The following AWAT1 variants were observed in gnomAD, a reference collection of about 807,000 sequenced individuals.
AWAT1 encodes the protein acyl-CoA wax alcohol acyltransferase 1, also known as diacyl-glycerol acyltransferase 2.
In AWAT1, 26 loss-of-function variants were observed where a neutral mutation model predicts 21.6. The ratio of observed to expected loss-of-function variants is 1.20; its 90% CI spans 0.88 to 1.67. The LOEUF (loss-of-function observed/expected upper bound fraction) is 1.67. Among genes scored for constraint, AWAT1 ranks in the 40% most tolerant of loss-of-function variants. The pLI is 0.00. For missense variants in AWAT1, 264 were observed against 249.4 expected, an observed-to-expected ratio of 1.06 and a Z score of -0.39; for synonymous variants, 102 against 99.3, an observed-to-expected ratio of 1.03 and a Z score of -0.16.
chrX:70,240,047 CGA>C, intron 6 of AWAT1, 87 bp from the exon 7 acceptor site: 1 of 1,143,808 alleles, frequency 8.7e-7, no homozygotes, highest in Non-Finnish European at 1.2e-6. Flanking sequence ...ATCTGGGATG[CGA>C]GAGTCAGGCC....
rs988023072 is a variant in AWAT1 at position 70,235,970 on chromosome X, C to T, written c.185-99C>T. 24 of 931,970 alleles carry T rather than the reference C, an allele frequency of 2.6e-5. No individual in the cohort carries two copies. In the African/African-American group the frequency reaches 3.9e-4, roughly 15 times the overall value. 76.8% of individuals were successfully genotyped at this position (931,970 alleles called of 1,213,427 possible). A position where few individuals can be genotyped will look rare whatever the true frequency, so the allele number is the denominator to read the frequency against. ...GACCATCCTAGGGTCTCCTCCTTTCCCACCTCTCTAGCAGAGCCATGCTAG... is the reference window on the plus strand; with the variant it reads ...GACCATCCTAGGGTCTCCTCCTTTCTCACCTCTCTAGCAGAGCCATGCTAG... On this transcript the variant is annotated intron_variant, in intron 2 of 6. Transcript: ENST00000374521.
rs1487511175 is a variant in AWAT1 at position 70,240,583 on chromosome X, GC to G, written c.*297del. 3.7e-6 allele frequency: 1 copy of G among 269,256 alleles called. No individual in the cohort carries two copies. The highest frequency in any genetic ancestry group is 6.6e-6 in the Non-Finnish European group (1 of 151,938). The allele number at this position is 269,256 out of a possible 1,213,427, so 22.2% of individuals were successfully genotyped here. On this transcript the variant is annotated 3_prime_UTR_variant, in exon 7 of 7. Transcript: ENST00000374521. Reference sequence around the variant, plus strand: ...TTAGCAGTCACTGCATATTCCCCCAGCCCCTGGGCAACTATCTACTTTCTGT... The same window carrying G: ...TTAGCAGTCACTGCATATTCCCCCAGCCCTGGGCAACTATCTACTTTCTGT...
At position 70,236,102 on chromosome X, in the gene AWAT1, G is replaced by A; in HGVS notation, c.218G>A (p.Cys73Tyr). 5 of 1,211,390 alleles carry A rather than the reference G, an allele frequency of 4.1e-6. No individual in the cohort carries two copies. The highest frequency in any genetic ancestry group is 5.6e-6 in the Non-Finnish European group (5 of 895,082). ...GRRSAWVRNW[C>Y]VWTHIRDYFP... is the part of the protein sequence containing the mutation. ...CGTTCGGCCTGGGTAAGGAACTGGT[G>A]TGTCTGGACCCACATCAGGGACTAT... Residue 73 changes from cysteine (C) to tyrosine (Y), a missense_variant, in exon 3 of 7, where the codon TGT becomes TAT. By Grantham distance (194) the Cys-to-Tyr change is radical. Coordinates refer to ENST00000374521, the MANE Select transcript of AWAT1 (RefSeq NM_001013579.3).
At chrX:70,239,419 T>C (rs1002975897) in intron 5 of AWAT1, among the ~76,000 whole-genome samples, 1 of 112,128 alleles carries the variant, frequency 8.9e-6, no homozygotes, top group Non-Finnish European at 1.9e-5. Context: ...TCTAATCCCA[T>C]AACCCAAGGA....
intron 5 of AWAT1, 38 bp downstream of exon 5, chrX:70,238,421 T>A: frequency 8.9e-7 from 1 of 1,123,934 alleles, no homozygotes. Flanking sequence ...CATGGTGTTC[T>A]CTGAGCAGCA....
Position 70,234,759 on chromosome X carries a change from T to C in AWAT1, c.64T>C (p.Tyr22His). The change falls in exon 1 of 7, where the codon TAC becomes CAC. Residue 22 changes from tyrosine (Y) to histidine (H), a missense_variant. Tyr to His is a moderately conservative substitution (Grantham distance 83). Transcript: ENST00000374521. ...SLMLLQWPLS[Y>H]LAIFWILQPL... is the part of the protein sequence containing the mutation. ...GATGCTTCTGCAGTGGCCTTTGAGC[T>C]ACCTTGCCATCTGTGAGTATTGACC... 8.3e-7 allele frequency: 1 copy of C among 1,208,114 alleles called. No homozygotes were observed. The highest frequency in any genetic ancestry group is 1.1e-6 in the Non-Finnish European group (1 of 892,801).
At chrX:70,237,924 A>G (rs2085521886) in intron 4 of AWAT1, among the ~76,000 whole-genome samples, 1 of 109,162 alleles carries the variant, frequency 9.2e-6, no homozygotes, top group Non-Finnish European at 1.9e-5. Flanking sequence ...TTAATGAAAA[A>G]AAAAAAAAAG....
Position 70,239,842 on chromosome X carries a change from T to C in AWAT1, c.740T>C (p.Ile247Thr), listed in dbSNP as rs765702021. The C allele has an allele frequency of 8.3e-7, 1 of 1,209,702 alleles. No individual in the cohort carries two copies. The highest frequency in any genetic ancestry group is 3.0e-5 in the East Asian group (1 of 33,815). Residue 247 changes from isoleucine to threonine, a missense_variant, in exon 6 of 7, where the codon ATC becomes ACC. Coordinates refer to ENST00000374521, the MANE Select transcript of AWAT1 (RefSeq NM_001013579.3). ...MYKFQSCFRRIFGFYCCVFYG... is the reference protein window; with the variant it reads ...MYKFQSCFRRTFGFYCCVFYG... ...AAGTTCCAGAGCTGCTTCCGCCGTA[T>C]CTTTGGTTTCTACTGTTGTGTCTTC...
At position 70,235,843 on chromosome X, in the gene AWAT1, AAAG is replaced by A. The variant is rs752570596; in HGVS notation, c.184+26_184+28del. The A allele has an allele frequency of 4.4e-6, 5 of 1,148,771 alleles. No individual in the cohort carries two copies. The highest frequency in any genetic ancestry group is 2.2e-5 in the Admixed American group (1 of 45,891). 94.7% of individuals were successfully genotyped at this position (1,148,771 alleles called of 1,213,427 possible). On this transcript the variant is annotated intron_variant, in intron 2 of 6. Transcript: ENST00000374521. ...AGCGAGGTAAGACTCACAGACCTAG[AAAG>A]AAGAATGTTCCATCATAACCTGCAG...
chrX:70,234,669 T>A lies in AWAT1; in HGVS notation c.-27T>A. ...TTGGTTGGAACACTGTTCTGAGATCTTTGCCTCCCTCAGGCTCCCGAGAAT... is the reference window on the plus strand; with the variant it reads ...TTGGTTGGAACACTGTTCTGAGATCATTGCCTCCCTCAGGCTCCCGAGAAT... On this transcript the variant is annotated 5_prime_UTR_variant, in exon 1 of 7. Coordinates refer to ENST00000374521, the MANE Select transcript of AWAT1 (RefSeq NM_001013579.3). 8.4e-7 allele frequency: 1 copy of A among 1,191,746 alleles called. No homozygotes were observed.
intron 5 of AWAT1, 99 bp downstream of exon 5, chrX:70,238,482 G>A (rs1249070243): frequency 2.2e-6 from 2 of 905,928 alleles, no homozygotes; most frequent in Admixed American, 3.7e-5. Context: ...TTGCCCTCAA[G>A]GAACATACTA....
intron 4 of AWAT1, 139 bp downstream of exon 4, chrX:70,237,387 T>C: frequency 1.7e-6 from 1 of 573,239 alleles, no homozygotes; most frequent in Non-Finnish European, 2.7e-6. Context: ...GTTCTAGAGC[T>C]AAGCTGCCTG....
intron 4 of AWAT1, 126 bp from the exon 5 acceptor site, chrX:70,238,086 T>G: frequency 3.2e-6 from 2 of 629,915 alleles, no homozygotes; most frequent in Non-Finnish European, 4.8e-6. Flanking sequence ...CCACACTCTT[T>G]AGTCCCATCT....
At chrX:70,238,824 C>A (rs2085526245) in intron 5 of AWAT1, among the ~76,000 whole-genome samples, 1 of 112,419 alleles carries the variant, frequency 8.9e-6, no homozygotes, top group Non-Finnish European at 1.9e-5. Flanking sequence ...TGGCTAAGAA[C>A]TGTACCTACT....
At position 70,237,221 on chromosome X, in the gene AWAT1, T is replaced by C; in HGVS notation, c.433T>C (p.Phe145Leu). The C allele has an allele frequency of 1.7e-6, 2 of 1,208,291 alleles. No homozygotes were observed. The highest frequency in any genetic ancestry group is 2.2e-6 in the Non-Finnish European group (2 of 893,754). ...ATLSWFFKIPFVREYLMAKGV... is the reference protein window; with the variant it reads ...ATLSWFFKIPLVREYLMAKGV... ...GCTGTCCTGGTTCTTCAAGATCCCC[T>C]TTGTTAGGGAGTACCTCATGGCCAA... Residue 145 changes from phenylalanine to leucine, a missense_variant, in exon 4 of 7, where the codon TTT (phenylalanine) becomes CTT (leucine). By Grantham distance (22) the Phe-to-Leu change is conservative (BLOSUM62 0). Transcript: ENST00000374521.
At position 70,238,321 on chromosome X, in the gene AWAT1, C is replaced by A; in HGVS notation, c.570C>A (p.Pro190=). The change falls in exon 5 of 7, where the codon CCC becomes CCA. Residue 190 remains proline (P), a synonymous_variant. Coordinates refer to ENST00000374521, the MANE Select transcript of AWAT1 (RefSeq NM_001013579.3). The stretch of plus-strand genomic sequence containing the variant: ...TGGGTGAGGCCCTGCAAAGTGTGCC[C>A]AACACCACCACCCTCATCCTCCAGA... ...GGVGEALQSV[P]NTTTLILQKR... 1 of 1,209,770 alleles carries A rather than the reference C, an allele frequency of 8.3e-7. No individual in the cohort carries two copies. The highest frequency in any genetic ancestry group is 1.1e-6 in the Non-Finnish European group (1 of 894,027).
intron 1 of AWAT1, among the ~76,000 whole-genome samples, 171 bp downstream of exon 1, chrX:70,234,942 G>C (rs1234939500): frequency 9.2e-6 from 1 of 109,021 alleles, no homozygotes; most frequent in East Asian, 2.9e-4. Flanking sequence ...CCCTGGAGAA[G>C]AATGAGATAG....
rs779373625 is a variant in AWAT1 at position 70,236,061 on chromosome X, T to C, written c.185-8T>C. 23 of 1,203,541 alleles carry C rather than the reference T, an allele frequency of 1.9e-5. No individual in the cohort carries two copies. The South Asian group carries it at 2.8e-4, about 15-fold the overall frequency. Reference sequence around the variant, plus strand: ...TGACATCATCCCCTACTTCTTCTTTTGCCTCAGGTGGCAGGCGTTCGGCCT... The same window carrying C: ...TGACATCATCCCCTACTTCTTCTTTCGCCTCAGGTGGCAGGCGTTCGGCCT... On this transcript the variant is annotated splice_polypyrimidine_tract_variant and splice_region_variant and intron_variant, in intron 2 of 6. Coordinates refer to ENST00000374521, the MANE Select transcript of AWAT1 (RefSeq NM_001013579.3).
At chrX:70,236,265 A>T in intron 3 of AWAT1, 126 bp downstream of exon 3, 1 of 557,769 alleles carries the variant, frequency 1.8e-6, no homozygotes, top group Non-Finnish European at 2.9e-6. Context: ...TGCTAGATAT[A>T]CTTCAAGATT....
Sources: gnomAD v4.1 joint callset for allele counts (sites outside exome capture counted in the v4.1 genomes callset) on GRCh38, gnomAD v4.1.1 for gene constraint, MANE v1.5 for transcripts, NCBI Gene and HGNC (gene_info 2026-07-23, HGNC 2026-07-21) for gene names.